The following CPQ variants were observed in gnomAD, a reference collection of about 807,000 sequenced individuals.
CPQ encodes Ser-Met dipeptidase.
A neutral mutation model predicts 45.7 loss-of-function variants in CPQ; 37 were observed. The ratio of observed to expected loss-of-function variants is 0.81; its 90% CI spans 0.62 to 1.07. The LOEUF (loss-of-function observed/expected upper bound fraction) is 1.07, where lower values mean the gene tolerates loss of function less well. Among genes scored for constraint, CPQ ranks in the 50% least tolerant of loss-of-function variants. The probability of loss-of-function intolerance (pLI) is 0.00; values close to 1 mark genes in which losing one functional copy is unlikely to be tolerated. For missense variants in CPQ, 537 were observed against 572.9 expected, an observed-to-expected ratio of 0.94 and a Z score of 0.64; for synonymous variants, 186 against 205.8, an observed-to-expected ratio of 0.90 and a Z score of 0.82.
intron 1 of CPQ, among the ~76,000 whole-genome samples, chr8:96,690,998 A>G (rs1010411140): frequency 4.1e-5 from 6 of 145,276 alleles, no homozygotes; most frequent in African/African-American, 1.4e-4. Context: ...TCCATGTGTG[A>G]GACATCTTTG....
At chr8:97,091,370 A>G (rs11991927) in intron 7 of CPQ, among the ~76,000 whole-genome samples, 13,729 of 152,220 alleles carry the variant, frequency 0.09, 718 homozygotes, top group South Asian at 0.11. Flanking sequence ...ACTTCAGTAC[A>G]GTCACAGAGT....
At chr8:96,692,738 G>C (rs998120074) in intron 1 of CPQ, among the ~76,000 whole-genome samples, 3 of 152,144 alleles carry the variant, frequency 2.0e-5, no homozygotes, top group Non-Finnish European at 4.4e-5. Flanking sequence ...GTACAAATAA[G>C]TCCAGGCTGC....
At chr8:97,020,650 T>C (rs1809662070) in intron 5 of CPQ, among the ~76,000 whole-genome samples, 1 of 152,090 alleles carries the variant, frequency 6.6e-6, no homozygotes, top group Non-Finnish European at 1.5e-5. Flanking sequence ...CCTGAAAAGA[T>C]ACAACCTTCC....
At chr8:96,895,653 A>G (rs1812433549) in intron 4 of CPQ, among the ~76,000 whole-genome samples, 1 of 152,160 alleles carries the variant, frequency 6.6e-6, no homozygotes, top group Admixed American at 6.6e-5. Flanking sequence ...AGAGGTTAAC[A>G]TGGTTTCTCT....
At chr8:96,885,930 C>T (rs1329375142) in intron 4 of CPQ, among the ~76,000 whole-genome samples, 2 of 151,802 alleles carry the variant, frequency 1.3e-5, no homozygotes, top group African/African-American at 2.4e-5. Flanking sequence ...AGGCGGAGAT[C>T]GCACCACTGC....
At chr8:96,741,371 CT>C (rs1304260289) in intron 1 of CPQ, among the ~76,000 whole-genome samples, 2 of 151,676 alleles carry the variant, frequency 1.3e-5, no homozygotes, top group African/African-American at 2.4e-5. Context: ...CTCTTTTTTT[CT>C]TTATTAGTCT....
rs1467385492 is a variant in CPQ, at chr8:96,814,524, C to CTTT, written c.434-20448_434-20447insTTT. On this transcript the variant is annotated intron_variant, in intron 2 of 7. Coordinates refer to ENST00000220763, the MANE Select transcript of CPQ (RefSeq NM_016134.4). ...TGGAAAAATTTATTAGTGCTAAGAG[C>CTTT]TAATATATGAAATATACAATCTGTA... Among the ~76,000 whole-genome samples the CTTT allele has an allele frequency of 3.3e-5, 5 of 152,238 alleles. No homozygotes were observed. In the East Asian group the frequency reaches 5.8e-4, roughly 18 times the overall value.
rs150217490 is a variant in CPQ, at chr8:97,142,836, T to A, written c.1256-184T>A. Among the ~76,000 whole-genome samples, 710 of 152,338 alleles carry A rather than the reference T, an allele frequency of 4.7e-3. 8 individuals are homozygous for A. Among genetic ancestry groups the A allele is most frequent in the African/African-American group, 0.016 (661 of 41,576 alleles). ...CTAGAACTCATCCACAGCCGGCTAC[T>A]CACATCATAGTCATCTGAATGGTGA... On this transcript the variant is annotated intron_variant, in intron 7 of 7. Transcript: ENST00000220763.
At chr8:97,062,150 T>C (rs1050494062) in intron 6 of CPQ, among the ~76,000 whole-genome samples, 6 of 151,972 alleles carry the variant, frequency 3.9e-5, no homozygotes, top group African/African-American at 1.5e-4. Flanking sequence ...AAACACTTAA[T>C]GAACACATTA....
intron 1 of CPQ, among the ~76,000 whole-genome samples, chr8:96,678,591 C>T (rs112733458): frequency 0.024 from 3,683 of 151,992 alleles, 165 homozygotes; most frequent in African/African-American, 0.084. Context: ...ATTTTATGTC[C>T]TTTTGAAAAT....
At chr8:97,046,834 G>A (rs776793042) in intron 6 of CPQ, among the ~76,000 whole-genome samples, 1 of 152,202 alleles carries the variant, frequency 6.6e-6, no homozygotes, top group Non-Finnish European at 1.5e-5. Context: ...AGAGCCAAAT[G>A]AGAGGCAATC....
At chr8:96,843,016 C>T (rs1022980867) in intron 3 of CPQ, among the ~76,000 whole-genome samples, 5 of 152,136 alleles carry the variant, frequency 3.3e-5, no homozygotes, top group Non-Finnish European at 5.9e-5. Flanking sequence ...AGCGATTCTC[C>T]GGTCTCAGCC....
intron 4 of CPQ, among the ~76,000 whole-genome samples, chr8:96,933,077 CAG>C (rs1189999948): frequency 3.3e-5 from 5 of 152,282 alleles, no homozygotes; most frequent in African/African-American, 1.2e-4. Context: ...TTGCTTGCCT[CAG>C]AGAGGACCAC....
intron 4 of CPQ, among the ~76,000 whole-genome samples, chr8:96,953,253 G>A: frequency 6.6e-6 from 1 of 151,970 alleles, no homozygotes. Flanking sequence ...TCTATCTCAC[G>A]GCCTCCTCAG....
intron 7 of CPQ, among the ~76,000 whole-genome samples, chr8:97,139,054 A>G (rs567169753): frequency 6.6e-6 from 1 of 152,314 alleles, no homozygotes; most frequent in Admixed American, 6.5e-5. Flanking sequence ...TGAGATAGAG[A>G]AAGGCTGCCA....
intron 5 of CPQ, among the ~76,000 whole-genome samples, chr8:97,015,299 G>A (rs1809559750): frequency 6.6e-6 from 1 of 151,742 alleles, no homozygotes; most frequent in South Asian, 2.1e-4. Flanking sequence ...TAATGATAGA[G>A]AAAAAGAAAT....
At chr8:97,050,158 G>A (rs985191781) in intron 6 of CPQ, among the ~76,000 whole-genome samples, 1 of 152,046 alleles carries the variant, frequency 6.6e-6, no homozygotes, top group African/African-American at 2.4e-5. Context: ...AAGATTTGGC[G>A]ATTTCTATTG....
chr8:96,714,748 T>A (rs1482546263), intron 1 of CPQ, among the ~76,000 whole-genome samples: 2 of 152,182 alleles, frequency 1.3e-5, no homozygotes, highest in African/African-American at 2.4e-5. Flanking sequence ...TCTGGTTTCT[T>A]CTCTTTTGGA....
chr8:96,849,842 T>A (rs1390486342), intron 3 of CPQ, among the ~76,000 whole-genome samples: 3 of 152,250 alleles, frequency 2.0e-5, no homozygotes, highest in Non-Finnish European at 4.4e-5. Context: ...CTATCATTTT[T>A]AGAACCCAGA....
Sources: allele counts gnomAD v4.1 joint callset (sites outside exome capture counted in the v4.1 genomes callset), GRCh38; gene constraint gnomAD v4.1.1; transcripts MANE v1.5; gene names NCBI Gene and HGNC (gene_info 2026-07-23, HGNC 2026-07-21).